The following KCNK16 variants were observed in gnomAD, a reference collection of about 807,000 sequenced individuals.
KCNK16 encodes potassium channel subfamily K member 16.
A neutral mutation model predicts 23.0 loss-of-function variants in KCNK16; 23 were observed. The observed-to-expected ratio is 1.00, with a 90% CI of 0.72 to 1.41. The LOEUF (loss-of-function observed/expected upper bound fraction) is 1.41, where lower values mean the gene tolerates loss of function less well. Ranked by LOEUF, KCNK16 falls within the 40% of genes most tolerant of loss-of-function variation. The pLI is 0.00. For missense variants in KCNK16, 327 were observed against 365.8 expected (o/e 0.89, Z 0.87); for synonymous variants, 145 against 153.5 (o/e 0.94, Z 0.41).
intron 1 of KCNK16, among the ~76,000 whole-genome samples, chr6:39,320,494 A>T (rs1203696839): frequency 6.6e-6 from 1 of 152,164 alleles, no homozygotes. Flanking sequence ...GTGTTTCGTC[A>T]CAGAGGCAAT....
At position 39,322,501 on chromosome 6, in the gene KCNK16, C is replaced by A. The variant is rs759041433; in HGVS notation, c.40G>T (p.Val14Leu). ...ACATAGGCCAGCAGCAGGGGCAGCA[C>A]CCGGCCACCCCAGCAGCTGCAGAGC... ...AGLCSCWGGR[V>L]LPLLLAYVCY... The change falls in exon 1 of 5, where the codon GTG becomes TTG. Residue 14 changes from valine (V) to leucine (L), a missense_variant. Coordinates refer to ENST00000437525, the MANE Select transcript of KCNK16 (RefSeq NM_001135106.2). 33 of 1,611,096 alleles carry A rather than the reference C, an allele frequency of 2.0e-5. No individual in the cohort carries two copies. Among genetic ancestry groups the A allele is most frequent in the African/African-American group, 2.7e-5 (2 of 74,924 alleles).
upstream of KCNK16, chr6:39,322,728 T>G (rs1583793705): frequency 1.1e-6 from 1 of 902,384 alleles, no homozygotes; most frequent in East Asian, 2.7e-5. Context: ...CACTAAGTGC[T>G]ATGCTGTGAG....
chr6:39,315,411 T>G, downstream of KCNK16: 1 of 1,550,208 alleles, frequency 6.5e-7, no homozygotes, highest in Non-Finnish European at 8.7e-7. Flanking sequence ...CCAGAGGGAG[T>G]GATGAAGTTA....
At chr6:39,322,218 T>C in intron 1 of KCNK16, 110 bp downstream of exon 1, 1 of 1,476,092 alleles carries the variant, frequency 6.8e-7, no homozygotes, top group Non-Finnish European at 9.0e-7. Context: ...ACACTCTTCT[T>C]CCAAATGGGG....
rs985176044 is a variant in KCNK16 at position 39,319,449 on chromosome 6, G to C, written c.214-316C>G. On this transcript the variant is annotated intron_variant, in intron 1 of 4. Coordinates refer to ENST00000437525, the MANE Select transcript of KCNK16 (RefSeq NM_001135106.2). This position sits in a 1 kb window ranked among gnomAD's most constrained non-coding sequence, Gnocchi z 4.2. ...GTGAGGTGGAGGATGCTCAGGGAGG[G>C]GTCCCGTGGGAGATGCTGCTGGTGG... is the stretch of plus-strand genomic sequence containing the variant. Among the ~76,000 whole-genome samples the C allele has an allele frequency of 6.6e-6, 1 of 152,082 alleles. No individual in the cohort carries two copies. Among genetic ancestry groups the C allele is most frequent in the Non-Finnish European group, 1.5e-5 (1 of 68,014 alleles).
Position 39,322,636 on chromosome 6 carries a change from T to C in KCNK16, c.-96A>G. 1 of 1,469,746 alleles carries C rather than the reference T, an allele frequency of 6.8e-7. No homozygotes were observed. 91.0% of individuals were successfully genotyped at this position (1,469,746 alleles called of 1,614,324 possible). A position where few individuals can be genotyped will look rare whatever the true frequency, so the allele number is the denominator to read the frequency against. On this transcript the variant is annotated 5_prime_UTR_variant, in exon 1 of 5. Coordinates refer to ENST00000437525, the MANE Select transcript of KCNK16 (RefSeq NM_001135106.2). ...AGCACCTAGGGGCCTGTGCCCAGGC[T>C]GCCGCCTGCCCTGCCCTCCTCCTCG...
chr6:39,319,397 G>A lies in KCNK16; in HGVS notation c.214-264C>T, dbSNP rs934411634. Among the ~76,000 whole-genome samples the A allele has an allele frequency of 6.6e-6, 1 of 152,168 alleles. No individual in the cohort carries two copies. The highest frequency in any genetic ancestry group is 2.4e-5 in the African/African-American group (1 of 41,436). Reference sequence around the variant, plus strand: ...GACTGAGGTGTGGGCTGCAAGCATGGGCTGGGGCGGGAGATGGGCCTGAGG... The same window carrying A: ...GACTGAGGTGTGGGCTGCAAGCATGAGCTGGGGCGGGAGATGGGCCTGAGG... On this transcript the variant is annotated intron_variant, in intron 1 of 4. Transcript: ENST00000437525. This position sits in a 1 kb window ranked among gnomAD's most constrained non-coding sequence, Gnocchi z 4.2.
At chr6:39,315,220 T>A, downstream of KCNK16, 1 of 1,613,152 alleles carries the variant, frequency 6.2e-7, no homozygotes. Context: ...CGGGATGGAG[T>A]GGTCTAAATC....
At chr6:39,320,748 G>T (rs1762484943) in intron 1 of KCNK16, among the ~76,000 whole-genome samples, 1 of 152,268 alleles carries the variant, frequency 6.6e-6, no homozygotes, top group Non-Finnish European at 1.5e-5. Context: ...CAAGCGGATG[G>T]CCTCCTTTCG....
chr6:39,318,661 G>T (rs1052811643), intron 2 of KCNK16, among the ~76,000 whole-genome samples: 4 of 152,170 alleles, frequency 2.6e-5, no homozygotes, highest in South Asian at 2.1e-4. Context: ...TCTATGGGAA[G>T]TTTCAAAATG....
rs185086750 is a variant in KCNK16 at position 39,318,124 on chromosome 6, C to T, written c.329-172G>A. On this transcript the variant is annotated intron_variant, in intron 2 of 4. Transcript: ENST00000437525. ...GATTTTTATTTATAGGACTCCTGCTCATCTTTGAAGGCCCATCTCAAATGA... is the reference window on the plus strand; with the variant it reads ...GATTTTTATTTATAGGACTCCTGCTTATCTTTGAAGGCCCATCTCAAATGA... Among the ~76,000 whole-genome samples, 69 of 152,350 alleles carry T rather than the reference C, an allele frequency of 4.5e-4. 1 individual carries two copies. Among genetic ancestry groups the T allele is most frequent in the African/African-American group, 1.3e-3 (54 of 41,576 alleles).
chr6:39,318,958 T>C (rs1383029372), intron 2 of KCNK16, 61 bp downstream of exon 2: 8 of 1,164,374 alleles, frequency 6.9e-6, no homozygotes, highest in South Asian at 1.2e-5. Context: ...GCATCTGCTT[T>C]TGGGGAGCCC....
Position 39,322,665 on chromosome 6 carries a change from C to T in KCNK16, c.-125G>A, listed in dbSNP as rs1762556862. On this transcript the variant is annotated 5_prime_UTR_variant, in exon 1 of 5. It adds an upstream start codon to the 5' untranslated region. Transcript: ENST00000437525. ...GCCTGCCCTGCCCTCCTCCTCGGCA[C>T]AGGTGTCTGGAGGCTGGGGAGACTG... 2 of 1,397,674 alleles carry T rather than the reference C, an allele frequency of 1.4e-6. No homozygotes were observed. The highest frequency in any genetic ancestry group is 2.6e-5 in the Admixed American group (1 of 38,702). The allele number at this position is 1,397,674 out of a possible 1,614,324, so 86.6% of individuals were successfully genotyped here. A position where few individuals can be genotyped will look rare whatever the true frequency, so the allele number is the denominator to read the frequency against.
chr6:39,322,662 G>A lies in KCNK16; in HGVS notation c.-122C>T. On this transcript the variant is annotated 5_prime_UTR_variant, in exon 1 of 5. Transcript: ENST00000437525. ...GCCGCCTGCCCTGCCCTCCTCCTCG[G>A]CACAGGTGTCTGGAGGCTGGGGAGA... 4 of 1,396,634 alleles carry A rather than the reference G, an allele frequency of 2.9e-6. No individual in the cohort carries two copies. Among genetic ancestry groups the A allele is most frequent in the Admixed American group, 2.6e-5 (1 of 38,820 alleles). 86.5% of individuals were successfully genotyped at this position (1,396,634 alleles called of 1,614,324 possible).
At chr6:39,315,331 G>A, downstream of KCNK16, 1 of 1,552,486 alleles carries the variant, frequency 6.4e-7, no homozygotes, top group East Asian at 2.4e-5. Context: ...CTTTCTGGAA[G>A]GATCCTGGGA....
chr6:39,321,640 C>T (rs1364301995), intron 1 of KCNK16, among the ~76,000 whole-genome samples: 3 of 152,250 alleles, frequency 2.0e-5, no homozygotes, highest in South Asian at 2.1e-4. Flanking sequence ...GCATTCACCT[C>T]CCTCCACAAC....
rs777791953 is a variant in KCNK16 at position 39,322,548 on chromosome 6, C to T, written c.-8G>A. On this transcript the variant is annotated 5_prime_UTR_variant, in exon 1 of 5. Transcript: ENST00000437525. ...GAGCCCAGCACTGGGCATGCTGTGG[C>T]CAGGACCCTGCCAGGGCCGTGGGGC... 1.3e-6 allele frequency: 2 copies of T among 1,585,870 alleles called. No individual in the cohort carries two copies. The highest frequency in any genetic ancestry group is 1.7e-6 in the Non-Finnish European group (2 of 1,169,936).
intron 1 of KCNK16, among the ~76,000 whole-genome samples, chr6:39,321,530 A>G (rs1459445233): frequency 6.6e-6 from 1 of 152,272 alleles, no homozygotes; most frequent in Non-Finnish European, 1.5e-5. Context: ...TTTTAGGCAC[A>G]TTGTGAATGC....
At chr6:39,321,363 G>T (rs1268868061) in intron 1 of KCNK16, among the ~76,000 whole-genome samples, 2 of 152,224 alleles carry the variant, frequency 1.3e-5, no homozygotes, top group Non-Finnish European at 2.9e-5. Context: ...TAGCTGTGCA[G>T]CCTTGGTCAA....
Sources: gnomAD v4.1 joint callset for allele counts (sites outside exome capture counted in the v4.1 genomes callset) on GRCh38, gnomAD v4.1.1 for gene constraint, Gnocchi (gnomAD v3.1) non-coding constraint, MANE v1.5 for transcripts, NCBI Gene and HGNC (gene_info 2026-07-23, HGNC 2026-07-21) for gene names.